The following PCSK2 variants were observed in gnomAD, a reference collection of about 807,000 sequenced individuals.
PCSK2 encodes the protein neuroendocrine convertase 2.
A neutral mutation model predicts 69.7 loss-of-function variants in PCSK2; 14 were observed. That is an observed-to-expected ratio of 0.20 (90% CI 0.13 to 0.31). The LOEUF is 0.31. PCSK2 is among the 10% of genes least tolerant of loss of function. The pLI, the probability that PCSK2 is intolerant of heterozygous loss-of-function variation, is 1.00. For synonymous variants in PCSK2, 307 were observed against 320.7 expected (o/e 0.96, Z 0.46); for missense variants, 544 against 842.5 (o/e 0.65, Z 4.39).
At chr20:17,351,573 T>C (rs1328745055) in intron 2 of PCSK2, among the ~76,000 whole-genome samples, 1 of 152,128 alleles carries the variant, frequency 6.6e-6, no homozygotes, top group Non-Finnish European at 1.5e-5. Context: ...GATCATCACA[T>C]AAAGAGAATG....
intron 2 of PCSK2, among the ~76,000 whole-genome samples, chr20:17,326,748 G>A (rs1337702699): frequency 6.6e-6 from 1 of 152,204 alleles, no homozygotes; most frequent in East Asian, 1.9e-4. Flanking sequence ...ACAAATGACG[G>A]ATTTGTTATC....
At chr20:17,346,411 C>T (rs2123182607) in intron 2 of PCSK2, among the ~76,000 whole-genome samples, 1 of 152,288 alleles carries the variant, frequency 6.6e-6, no homozygotes, top group East Asian at 1.9e-4. Context: ...TCCCCACCAT[C>T]CTTCTGTTCC....
chr20:17,239,870 T>TTG (rs1555780457), intron 1 of PCSK2, among the ~76,000 whole-genome samples: 12 of 142,978 alleles, frequency 8.4e-5, no homozygotes, highest in African/African-American at 2.6e-4. Flanking sequence ...TTTTTTTTTT[T>TTG]GTGAGATGAA....
intron 11 of PCSK2, among the ~76,000 whole-genome samples, chr20:17,475,342 G>T (rs2033273280): frequency 6.6e-6 from 1 of 151,808 alleles, no homozygotes; most frequent in African/African-American, 2.4e-5. Flanking sequence ...CAGGGAAGGG[G>T]ATCTGAATGA....
At chr20:17,271,895 C>A (rs1297792186) in intron 2 of PCSK2, among the ~76,000 whole-genome samples, 1 of 152,096 alleles carries the variant, frequency 6.6e-6, no homozygotes, top group Non-Finnish European at 1.5e-5. Flanking sequence ...CTCTACAACA[C>A]CCCAGGACAG....
intron 2 of PCSK2, among the ~76,000 whole-genome samples, chr20:17,347,860 G>GAA (rs1349784104): frequency 3.4e-5 from 3 of 88,590 alleles, no homozygotes; most frequent in South Asian, 3.7e-4. Flanking sequence ...AAGAAAGAAA[G>GAA]AGGAGAGAGA....
chr20:17,461,916 C>G (rs1472435536), intron 10 of PCSK2, among the ~76,000 whole-genome samples: 2 of 152,164 alleles, frequency 1.3e-5, no homozygotes, highest in Non-Finnish European at 2.9e-5. Context: ...TAAATACATA[C>G]ACCTACTGTG....
chr20:17,323,155 G>A (rs1000241250), intron 2 of PCSK2, among the ~76,000 whole-genome samples: 2 of 152,112 alleles, frequency 1.3e-5, no homozygotes, highest in Non-Finnish European at 1.5e-5. Context: ...GTGAGTCACC[G>A]CACCCAGCCA....
At chr20:17,302,819 C>A (rs1427980748) in intron 2 of PCSK2, among the ~76,000 whole-genome samples, 2 of 152,120 alleles carry the variant, frequency 1.3e-5, no homozygotes, top group African/African-American at 4.8e-5. Context: ...TCAGATCTCA[C>A]CCTTTTCCCA....
At chr20:17,303,450 T>A (rs866153220) in intron 2 of PCSK2, among the ~76,000 whole-genome samples, 2 of 70,330 alleles carry the variant, frequency 2.8e-5, no homozygotes, top group African/African-American at 1.3e-4. Context: ...ATAATATATA[T>A]TATATTAAAT....
chr20:17,484,516 G>A lies in PCSK2; in HGVS notation c.*2446G>A, dbSNP rs2123433184. Reference sequence around the variant, plus strand: ...TGCTCCCTGTGACAAAATTTTATAAGCAAATTTCAAAAGACATGTTGTAAA... The same window carrying A: ...TGCTCCCTGTGACAAAATTTTATAAACAAATTTCAAAAGACATGTTGTAAA... On this transcript the variant is annotated 3_prime_UTR_variant, in exon 12 of 12. Coordinates refer to ENST00000262545, the MANE Select transcript of PCSK2 (RefSeq NM_002594.5). 6.6e-6 allele frequency: 1 copy of A among 152,438 alleles called. No individual in the cohort carries two copies. Among genetic ancestry groups the A allele is most frequent in the East Asian group, 1.9e-4 (1 of 5,182 alleles). 9.4% of individuals were successfully genotyped at this position (152,438 alleles called of 1,614,324 possible).
chr20:17,338,709 T>TAC (rs1990428423), intron 2 of PCSK2, among the ~76,000 whole-genome samples: 1 of 152,068 alleles, frequency 6.6e-6, no homozygotes, highest in African/African-American at 2.4e-5. Context: ...GAGAGAGGGG[T>TAC]CATTCCCAGG....
At chr20:17,364,769 G>GA (rs1184586171) in intron 4 of PCSK2, among the ~76,000 whole-genome samples, 17 of 152,136 alleles carry the variant, frequency 1.1e-4, no homozygotes, top group African/African-American at 4.1e-4. Flanking sequence ...GAAGAGCCTG[G>GA]CTGGGCACTG....
At chr20:17,246,582 G>A (rs960917542) in intron 1 of PCSK2, among the ~76,000 whole-genome samples, 1 of 151,988 alleles carries the variant, frequency 6.6e-6, no homozygotes, top group East Asian at 1.9e-4. Context: ...CAGTGGAATA[G>A]TAAATGCAGG....
At chr20:17,374,693 G>C (rs2030871200) in intron 5 of PCSK2, among the ~76,000 whole-genome samples, 1 of 152,152 alleles carries the variant, frequency 6.6e-6, no homozygotes. Context: ...AGGGCAATGG[G>C]AGCTCAATCT....
chr20:17,480,485 G>C (rs889313741), intron 11 of PCSK2, among the ~76,000 whole-genome samples: 1 of 152,090 alleles, frequency 6.6e-6, no homozygotes, highest in African/African-American at 2.4e-5. Context: ...CACTGCGCCC[G>C]GCCCAGCTTT....
intron 1 of PCSK2, among the ~76,000 whole-genome samples, chr20:17,230,454 A>C (rs1405132160): frequency 6.6e-6 from 1 of 152,226 alleles, no homozygotes; most frequent in Non-Finnish European, 1.5e-5. Flanking sequence ...AAGTAAAAGA[A>C]CTCAGACTTA....
At chr20:17,312,677 T>C (rs903596068) in intron 2 of PCSK2, among the ~76,000 whole-genome samples, 1 of 152,072 alleles carries the variant, frequency 6.6e-6, no homozygotes, top group Non-Finnish European at 1.5e-5. Flanking sequence ...ATTTTTTTTG[T>C]TATTCTGATA....
intron 4 of PCSK2, among the ~76,000 whole-genome samples, chr20:17,362,834 A>G (rs1014139506): frequency 6.6e-6 from 1 of 152,256 alleles, no homozygotes; most frequent in African/African-American, 2.4e-5. Flanking sequence ...GAAGAAAAGT[A>G]TCCAAGTTCA....
Sources: gnomAD v4.1 joint callset for allele counts (sites outside exome capture counted in the v4.1 genomes callset) on GRCh38, gnomAD v4.1.1 for gene constraint, MANE v1.5 for transcripts, NCBI Gene and HGNC (gene_info 2026-07-23, HGNC 2026-07-21) for gene names.